The following SETX variants were observed in gnomAD, a reference collection of about 807,000 sequenced individuals.
SETX encodes the protein helicase senataxin.
In SETX, 90 loss-of-function variants were observed where a neutral mutation model predicts 227.2. The ratio of observed to expected loss-of-function variants is 0.40; its 90% CI spans 0.33 to 0.47. The LOEUF (loss-of-function observed/expected upper bound fraction) is 0.47, where lower values mean the gene tolerates loss of function less well. Ranked by LOEUF, SETX falls within the 20% of genes least tolerant of loss-of-function variation. The probability of loss-of-function intolerance (pLI) is 0.91; values close to 1 mark genes in which losing one functional copy is unlikely to be tolerated. For missense variants in SETX, 3,052 were observed against 3,181.5 expected (o/e 0.96, Z 0.98); for synonymous variants, 1,210 against 1,113.2 (o/e 1.09, Z -1.73).
At chr9:132,302,942 G>C (rs1845101490) in intron 11 of SETX, among the ~76,000 whole-genome samples, 1 of 152,154 alleles carries the variant, frequency 6.6e-6, no homozygotes. Flanking sequence ...TTATTGAATG[G>C]CAAGGTTATT....
At chr9:132,348,372 A>AAT (rs1246496603) in intron 3 of SETX, among the ~76,000 whole-genome samples, 2 of 66,260 alleles carry the variant, frequency 3.0e-5, no homozygotes, top group African/African-American at 9.9e-5. Context: ...CAAAAAAAAA[A>AAT]CAAAACAAAA....
At chr9:132,311,714 A>G (rs745667786) in intron 11 of SETX, 43 bp downstream of exon 11, 27 of 1,358,426 alleles carry the variant, frequency 2.0e-5, no homozygotes, top group Non-Finnish European at 2.4e-5. Flanking sequence ...GAAATCTCCA[A>G]TTATTATATC....
chr9:132,342,367 T>C (rs1848028161), intron 5 of SETX, among the ~76,000 whole-genome samples: 1 of 152,184 alleles, frequency 6.6e-6, no homozygotes, highest in African/African-American at 2.4e-5. Flanking sequence ...AACCGGTATC[T>C]CCATGTGTCT....
At chr9:132,268,881 AGAG>A (rs1382548181) in intron 25 of SETX, among the ~76,000 whole-genome samples, 2 of 152,234 alleles carry the variant, frequency 1.3e-5, no homozygotes, top group Non-Finnish European at 2.9e-5. Context: ...TGGAGGTGAT[AGAG>A]GAGTGAAACA....
chr9:132,346,231 T>C lies in SETX; in HGVS notation c.388+30A>G, dbSNP rs373384558. The stretch of plus-strand genomic sequence containing the variant: ...TATGGTACTAAAATAATAAAACTGA[T>C]ATAACTTGAGGAACCATCAAGATAC... On this transcript the variant is annotated intron_variant, in intron 4 of 25. Coordinates refer to ENST00000224140, the MANE Select transcript of SETX (RefSeq NM_015046.7). The C allele has an allele frequency of 2.0e-6, 3 of 1,536,094 alleles. No individual in the cohort carries two copies. In the South Asian group the frequency reaches 3.4e-5, roughly 17 times the overall value.
chr9:132,355,523 A>G (rs1418562480), upstream of SETX, among the ~76,000 whole-genome samples: 2 of 152,242 alleles, frequency 1.3e-5, no homozygotes, highest in Admixed American at 6.5e-5. Flanking sequence ...CTTGCGAACA[A>G]TGCGCGCGAT....
At chr9:132,313,462 T>C (rs974785133) in intron 10 of SETX, among the ~76,000 whole-genome samples, 5 of 152,182 alleles carry the variant, frequency 3.3e-5, no homozygotes, top group Middle Eastern at 3.2e-3. Context: ...GGATCTCTTA[T>C]AGTCAAGCTA....
Position 132,331,069 on chromosome 9 carries a change from G to T in SETX, c.1081C>A (p.Pro361Thr). Reference protein sequence around the residue: ...TCSQIVYNYNPEKTKKDSGWR... With the variant: ...TCSQIVYNYNTEKTKKDSGWR... ...TTTTATACCTTTTTGGTCTTTTCAG[G>T]ATTATAATTGTATACGATCTGGCTG... is the stretch of plus-strand genomic sequence containing the variant. The change falls in exon 9 of 26, where the codon CCT becomes ACT. Residue 361 changes from proline (P) to threonine (T), a missense_variant. Physicochemically the swap from Pro to Thr is conservative, Grantham distance 38. Transcript: ENST00000224140. 6 of 1,611,892 alleles carry T rather than the reference G, an allele frequency of 3.7e-6. No homozygotes were observed. The highest frequency in any genetic ancestry group is 4.2e-6 in the Non-Finnish European group (5 of 1,178,100).
intron 2 of SETX, among the ~76,000 whole-genome samples, chr9:132,351,854 T>C (rs488568): frequency 0.69 from 105,262 of 152,054 alleles, 39,244 homozygotes; most frequent in Non-Finnish European, 0.84. Flanking sequence ...GACAAATGGG[T>C]GTGTCCAGAC....
chr9:132,265,398 T>C (rs1204243130), intron 25 of SETX, among the ~76,000 whole-genome samples: 1 of 151,968 alleles, frequency 6.6e-6, no homozygotes, highest in Non-Finnish European at 1.5e-5. Context: ...GCTAATTTTT[T>C]GTATTTTTAG....
chr9:132,325,372 A>G (rs1846667500), intron 10 of SETX, among the ~76,000 whole-genome samples: 1 of 152,132 alleles, frequency 6.6e-6, no homozygotes, highest in South Asian at 2.1e-4. Flanking sequence ...AGAAAAAAGA[A>G]AAAAGAAAGA....
At position 132,326,452 on chromosome 9, in the gene SETX, A is replaced by C; in HGVS notation, c.5146T>G (p.Phe1716Val). The change falls in exon 10 of 26, where the codon TTT becomes GTT. Residue 1716 changes from phenylalanine to valine, a missense_variant. Phe to Val is a conservative substitution (Grantham distance 50). Coordinates refer to ENST00000224140, the MANE Select transcript of SETX (RefSeq NM_015046.7). ...CTTGCAGGGGGCCCACACTGACCAA[A>C]GTTCAAAAACATTTCATATTTCCAT... ...LKWKYEMFLN[F>V]GQCGPPASLC... 6.2e-7 allele frequency: 1 copy of C among 1,614,232 alleles called. No individual in the cohort carries two copies. The highest frequency in any genetic ancestry group is 1.6e-4 in the Middle Eastern group (1 of 6,062).
rs778488721 is a variant in SETX, at chr9:132,330,310, C to T, written c.1288G>A (p.Ala430Thr). 9 of 1,609,822 alleles carry T rather than the reference C, an allele frequency of 5.6e-6. No homozygotes were observed. The highest frequency in any genetic ancestry group is 5.9e-6 in the Non-Finnish European group (7 of 1,176,980). The change falls in exon 10 of 26, where the codon GCA becomes ACA. Residue 430 changes from alanine (A) to threonine (T), a missense_variant. By Grantham distance (58) the Ala-to-Thr change is moderately conservative (BLOSUM62 0). This residue lies in a region of SETX where 179 missense variants were observed against 197.1 expected (regional missense o/e 0.91). Transcript: ENST00000224140. ...GAGTACAGATGATTAACAACCTGTGCTATGTAAGCCACACCCAAATCCTTA... is the reference window on the plus strand; with the variant it reads ...GAGTACAGATGATTAACAACCTGTGTTATGTAAGCCACACCCAAATCCTTA... ...DLKDLGVAYI[A>T]QVVNHLYSEV...
At chr9:132,316,677 CCACT>C (rs1302196759) in intron 10 of SETX, among the ~76,000 whole-genome samples, 1 of 152,168 alleles carries the variant, frequency 6.6e-6, no homozygotes, top group African/African-American at 2.4e-5. Context: ...CATCCTTTCC[CCACT>C]GATTTGTGAT....
chr9:132,330,206 T>C lies in SETX; in HGVS notation c.1392A>G (p.Ser464=), dbSNP rs144164119. 179 of 1,573,306 alleles carry C rather than the reference T, an allele frequency of 1.1e-4. No individual in the cohort carries two copies. The Middle Eastern group carries it at 2.1e-3, about 18-fold the overall frequency. Residue 464 remains serine (S), a synonymous_variant, in exon 10 of 26, where the codon TCA becomes TCG. Transcript: ENST00000224140. ...TTTTATTTCTATGCAGTTCAATCACTGATACCAAAATTAGAAGAAAAAATT... is the reference window on the plus strand; with the variant it reads ...TTTTATTTCTATGCAGTTCAATCACCGATACCAAAATTAGAAGAAAAAATT... ...VTEFFLLILV[S]VIELHRNKKC...
chr9:132,356,349 T>G (rs1848913168), upstream of SETX, among the ~76,000 whole-genome samples: 1 of 151,896 alleles, frequency 6.6e-6, no homozygotes, highest in South Asian at 2.1e-4. Context: ...AGTACAGGCG[T>G]GTGCCACACG....
chr9:132,301,088 C>CCT (rs1844968029), intron 11 of SETX, among the ~76,000 whole-genome samples: 1 of 123,924 alleles, frequency 8.1e-6, no homozygotes, highest in African/African-American at 2.9e-5. Flanking sequence ...GTTTATTCTG[C>CCT]TTTTTTTTTT....
upstream of SETX, among the ~76,000 whole-genome samples, chr9:132,356,447 C>T (rs185315176): frequency 6.6e-6 from 1 of 152,284 alleles, no homozygotes; most frequent in African/African-American, 2.4e-5. Flanking sequence ...GTGATCCGCC[C>T]CGCCTCGACC....
intron 18 of SETX, among the ~76,000 whole-genome samples, chr9:132,285,936 A>G (rs553541373): frequency 6.9e-6 from 1 of 144,292 alleles, no homozygotes; most frequent in Admixed American, 6.9e-5. Flanking sequence ...TAATCCCAGC[A>G]CTTTGAGGGA....
Sources: allele counts gnomAD v4.1 joint callset (sites outside exome capture counted in the v4.1 genomes callset), GRCh38; gene constraint gnomAD v4.1.1; regional missense constraint gnomAD v4.1.1; transcripts MANE v1.5; gene names NCBI Gene and HGNC (gene_info 2026-07-23, HGNC 2026-07-21).